The following AFF3 variants were observed in gnomAD, a reference collection of about 807,000 sequenced individuals.
AFF3 encodes ALF transcription elongation factor 3.
AFF3 carries 32 observed loss-of-function variants against 129.7 expected under a neutral mutation model. The ratio of observed to expected loss-of-function variants is 0.25; its 90% CI spans 0.19 to 0.33. The LOEUF (loss-of-function observed/expected upper bound fraction) is 0.33. Ranked by LOEUF, AFF3 falls within the 10% of genes least tolerant of loss-of-function variation. The pLI, the probability that AFF3 is intolerant of heterozygous loss-of-function variation, is 1.00. For missense variants in AFF3, 1,373 were observed against 1,592.0 expected (o/e 0.86, Z 2.34); for synonymous variants, 644 against 635.4 (o/e 1.01, Z -0.20).
At chr2:99,585,052 C>T (rs1449685894) in intron 16 of AFF3, among the ~76,000 whole-genome samples, 6 of 152,162 alleles carry the variant, frequency 3.9e-5, no homozygotes, top group East Asian at 3.8e-4. Context: ...GGCTGTGTCA[C>T]GCAAAAGTGC....
At chr2:99,959,037 C>T (rs1478766890) in intron 7 of AFF3, among the ~76,000 whole-genome samples, 1 of 151,856 alleles carries the variant, frequency 6.6e-6, no homozygotes, top group Non-Finnish European at 1.5e-5. Flanking sequence ...TATGAGGCTG[C>T]AGTGAGCTGT....
intron 7 of AFF3, among the ~76,000 whole-genome samples, chr2:100,000,514 A>G (rs4499447): frequency 0.022 from 2,794 of 127,276 alleles, 41 homozygotes; most frequent in South Asian, 0.057. Flanking sequence ...GCACGCGCGC[A>G]CACACACACA....
chr2:100,135,852 G>C (rs1016396613), intron 1 of AFF3, among the ~76,000 whole-genome samples: 9 of 152,194 alleles, frequency 5.9e-5, no homozygotes, highest in Non-Finnish European at 2.9e-5. Flanking sequence ...GAGAGCAGGG[G>C]AGAGACCATA....
chr2:99,608,496 A>G (rs1051338956), intron 13 of AFF3, among the ~76,000 whole-genome samples: 4 of 152,240 alleles, frequency 2.6e-5, no homozygotes, highest in African/African-American at 9.6e-5. Flanking sequence ...TTAGAATGCT[A>G]TCATTTACAT....
chr2:99,616,251 G>A (rs1244496625), intron 13 of AFF3, among the ~76,000 whole-genome samples: 1 of 152,000 alleles, frequency 6.6e-6, no homozygotes, highest in Non-Finnish European at 1.5e-5. Flanking sequence ...TCAGTTCGAG[G>A]AGGCCTTTTG....
At chr2:100,133,615 T>C (rs1455156508) in intron 1 of AFF3, among the ~76,000 whole-genome samples, 1 of 152,168 alleles carries the variant, frequency 6.6e-6, no homozygotes, top group Admixed American at 6.5e-5. Flanking sequence ...TCTCATGTAC[T>C]ACTTTTTATC....
At chr2:100,036,134 TA>T (rs59136725) in intron 4 of AFF3, among the ~76,000 whole-genome samples, 20,821 of 63,492 alleles carry the variant, frequency 0.33, 2,762 homozygotes, top group African/African-American at 0.4. Flanking sequence ...AATACAGTGC[TA>T]AAAAAAAAAA....
At chr2:100,137,294 A>G (rs1692675610) in intron 1 of AFF3, among the ~76,000 whole-genome samples, 1 of 152,218 alleles carries the variant, frequency 6.6e-6, no homozygotes, top group Non-Finnish European at 1.5e-5. Flanking sequence ...GTAGCCACAC[A>G]TCTCAGAATG....
At chr2:99,842,015 C>T (rs554918866) in intron 7 of AFF3, among the ~76,000 whole-genome samples, 1 of 152,196 alleles carries the variant, frequency 6.6e-6, no homozygotes, top group East Asian at 1.9e-4. Context: ...CAACACTACA[C>T]GTGTAGACCA....
At chr2:99,885,855 G>C (rs925031769) in intron 7 of AFF3, among the ~76,000 whole-genome samples, 3 of 152,066 alleles carry the variant, frequency 2.0e-5, no homozygotes, top group Non-Finnish European at 4.4e-5. Flanking sequence ...GCACAGGATT[G>C]GTTTTGGAAT....
intron 4 of AFF3, among the ~76,000 whole-genome samples, chr2:100,043,859 T>C (rs983737339): frequency 2.6e-5 from 4 of 152,184 alleles, no homozygotes; most frequent in Non-Finnish European, 5.9e-5. Context: ...AGTGTTTTTA[T>C]TTTTTTAAGA....
chr2:99,708,434 T>A (rs986634908), intron 11 of AFF3, among the ~76,000 whole-genome samples: 2 of 152,166 alleles, frequency 1.3e-5, no homozygotes, highest in Non-Finnish European at 2.9e-5. Flanking sequence ...ATCCCAGGTT[T>A]CAGGTCTCAC....
intron 11 of AFF3, among the ~76,000 whole-genome samples, chr2:99,719,237 T>C (rs13019440): frequency 1.3e-5 from 2 of 152,034 alleles, no homozygotes; most frequent in African/African-American, 4.8e-5. Flanking sequence ...ATTCATATAG[T>C]GGAATACATT....
Position 99,648,881 on chromosome 2 carries a change from G to GCACACACACACACACACACACA in AFF3, c.1184+744_1184+745insTGTGTGTGTGTGTGTGTGTGTG, listed in dbSNP as rs367768868. On this transcript the variant is annotated intron_variant, in intron 13 of 24. Transcript: ENST00000672756. Reference sequence around the variant, plus strand: ...ACCTCCTGACAGTTCCTCAAAACACGCGCGCACACACACACACACACACAC... The same window carrying GCACACACACACACACACACACA: ...ACCTCCTGACAGTTCCTCAAAACACGCACACACACACACACACACACACGCGCACACACACACACACACACAC... 7.1e-4 allele frequency among the ~76,000 whole-genome samples: 46 copies of GCACACACACACACACACACACA among 64,926 alleles called. 1 individual carries two copies. The highest frequency in any genetic ancestry group is 6.8e-3 in the Middle Eastern group (1 of 148). The allele number at this position is 64,926 out of a possible 152,430, so 42.6% of individuals were successfully genotyped here. A position where few individuals can be genotyped will look rare whatever the true frequency, so the allele number is the denominator to read the frequency against.
At chr2:99,827,042 G>A (rs766611816) in intron 8 of AFF3, among the ~76,000 whole-genome samples, 5 of 152,264 alleles carry the variant, frequency 3.3e-5, no homozygotes, top group Middle Eastern at 3.4e-3. Flanking sequence ...ATGGACAGCC[G>A]GGGAATGAAG....
At chr2:99,656,374 T>G (rs564554014) in intron 12 of AFF3, among the ~76,000 whole-genome samples, 1 of 152,318 alleles carries the variant, frequency 6.6e-6, no homozygotes, top group Admixed American at 6.5e-5. Context: ...AGGAGGTATC[T>G]CTGCACAGGG....
intron 11 of AFF3, among the ~76,000 whole-genome samples, chr2:99,679,252 C>T (rs1170801986): frequency 1.3e-5 from 2 of 152,164 alleles, no homozygotes; most frequent in African/African-American, 4.8e-5. Context: ...TCCCTCCCTC[C>T]CGGGGAGGGA....
At chr2:99,919,394 T>C (rs1467458084) in intron 7 of AFF3, among the ~76,000 whole-genome samples, 2 of 152,164 alleles carry the variant, frequency 1.3e-5, no homozygotes, top group Admixed American at 1.3e-4. Flanking sequence ...TTGCCAGTTC[T>C]AGAATGGGTT....
At chr2:99,605,336 T>C (rs1292285621) in intron 13 of AFF3, among the ~76,000 whole-genome samples, 1 of 152,224 alleles carries the variant, frequency 6.6e-6, no homozygotes, top group South Asian at 2.1e-4. Context: ...ATTAAATATA[T>C]TCATGTTTCA....
Sources: gnomAD v4.1 joint callset for allele counts (sites outside exome capture counted in the v4.1 genomes callset) on GRCh38, gnomAD v4.1.1 for gene constraint, MANE v1.5 for transcripts, NCBI Gene and HGNC (gene_info 2026-07-23, HGNC 2026-07-21) for gene names.